The following LIPC variants were observed in gnomAD, a reference collection of about 807,000 sequenced individuals.
LIPC encodes the protein lipase C, hepatic type.
In LIPC, 44 loss-of-function variants were observed where a neutral mutation model predicts 50.7. That is an observed-to-expected ratio of 0.87 (90% confidence interval 0.68 to 1.11). The LOEUF is 1.11. Ranked by LOEUF, LIPC falls within the 50% of genes most tolerant of loss-of-function variation. The pLI, the probability that LIPC is intolerant of heterozygous loss-of-function variation, is 0.00. For synonymous variants in LIPC, 271 were observed against 256.4 expected (o/e 1.06, Z -0.54); for missense variants, 697 against 648.2 (o/e 1.08, Z -0.82).
rs561721243 is a variant in LIPC, at chr15:58,543,188, C to T, written c.574+537C>T. Among the ~76,000 whole-genome samples the T allele has an allele frequency of 3.3e-5, 5 of 152,244 alleles. No homozygotes were observed. In the East Asian group the frequency reaches 7.7e-4, roughly 24 times the overall value. On this transcript the variant is annotated intron_variant, in intron 4 of 8. Transcript: ENST00000299022. ...ATATCCAGGAAGGTCTGCACATGTGCGAGGAAGGCCTTCCTCCCAGGCTTC... is the reference window on the plus strand; with the variant it reads ...ATATCCAGGAAGGTCTGCACATGTGTGAGGAAGGCCTTCCTCCCAGGCTTC...
rs1370017955 is a variant in LIPC, at chr15:58,568,834, A to T, written c.*7A>T. 1 of 1,497,732 alleles carries T rather than the reference A, an allele frequency of 6.7e-7. No homozygotes were observed. Among genetic ancestry groups the T allele is most frequent in the Admixed American group, 1.7e-5 (1 of 59,584 alleles). The allele number at this position is 1,497,732 out of a possible 1,614,324, so 92.8% of individuals were successfully genotyped here. On this transcript the variant is annotated 3_prime_UTR_variant, in exon 9 of 9. Transcript: ENST00000299022. ...AAAGCGAAAGATCAGATGAGATTTA[A>T]TGAAGACCCAGTGTAAAGAATAAAT...
At chr15:58,458,774 C>T (rs1390512126) in intron 1 of LIPC, among the ~76,000 whole-genome samples, 1 of 152,178 alleles carries the variant, frequency 6.6e-6, no homozygotes, top group East Asian at 1.9e-4. Flanking sequence ...TAGCTCCTGT[C>T]CCTGCACCAT....
At chr15:58,459,960 AACCT>A (rs1433032463) in intron 1 of LIPC, among the ~76,000 whole-genome samples, 3 of 152,204 alleles carry the variant, frequency 2.0e-5, no homozygotes, top group Non-Finnish European at 4.4e-5. Context: ...ACCTAGCAAG[AACCT>A]ACCTCTCCCT....
intron 2 of LIPC, among the ~76,000 whole-genome samples, chr15:58,540,261 A>C (rs750097461): frequency 6.6e-6 from 1 of 152,214 alleles, no homozygotes; most frequent in Non-Finnish European, 1.5e-5. Flanking sequence ...CCAACCTAGT[A>C]TATGTCTCCT....
chr15:58,564,586 G>A (rs937259816), intron 8 of LIPC, among the ~76,000 whole-genome samples: 7 of 152,024 alleles, frequency 4.6e-5, no homozygotes, highest in Non-Finnish European at 8.8e-5. Flanking sequence ...AATTAGCTGG[G>A]CGTGGTGGCG....
chr15:58,567,279 G>GTGTGTA (rs1566955012), intron 8 of LIPC, among the ~76,000 whole-genome samples: 2 of 71,956 alleles, frequency 2.8e-5, no homozygotes, highest in Non-Finnish European at 5.4e-5. Context: ...GTGTGTGTGT[G>GTGTGTA]TGTATATATA....
At chr15:58,550,824 A>AGT (rs1566948557) in intron 6 of LIPC, among the ~76,000 whole-genome samples, 1 of 60,774 alleles carries the variant, frequency 1.6e-5, no homozygotes, top group Non-Finnish European at 3.1e-5. Context: ...TTTCTTTCTT[A>AGT]CTTTTTTTTT....
chr15:58,533,623 T>G (rs1893020320), intron 1 of LIPC, among the ~76,000 whole-genome samples: 1 of 152,210 alleles, frequency 6.6e-6, no homozygotes, highest in Admixed American at 6.5e-5. Flanking sequence ...CAAGTACGTT[T>G]TGAAGAATTT....
At position 58,541,911 on chromosome 15, in the gene LIPC, G is replaced by A. The variant is rs565182279; in HGVS notation, c.400G>A (p.Val134Ile). The A allele has an allele frequency of 3.2e-5, 51 of 1,611,708 alleles. No homozygotes were observed. Among genetic ancestry groups the A allele is most frequent in the African/African-American group, 6.7e-5 (5 of 75,042 alleles). Residue 134 changes from valine to isoleucine, a missense_variant, in exon 3 of 9, where the codon GTC becomes ATC. Val to Ile is a conservative substitution (Grantham distance 29). Coordinates refer to ENST00000299022, the MANE Select transcript of LIPC (RefSeq NM_000236.3). ...GGCCCACGACCACTACACCATCGCCGTCCGCAACACCCGCCTTGTGGGCAA... is the reference window on the plus strand; with the variant it reads ...GGCCCACGACCACTACACCATCGCCATCCGCAACACCCGCCTTGTGGGCAA... ...TLAHDHYTIA[V>I]RNTRLVGKEV...
At chr15:58,565,403 C>A (rs1434623536) in intron 8 of LIPC, 2 of 1,473,932 alleles carry the variant, frequency 1.4e-6, no homozygotes, top group Non-Finnish European at 1.8e-6. Flanking sequence ...ACACTACCTT[C>A]TCCACTGGGG....
chr15:58,511,725 T>C (rs779683173), intron 1 of LIPC, among the ~76,000 whole-genome samples: 1 of 152,336 alleles, frequency 6.6e-6, no homozygotes. Flanking sequence ...ATCTGGGATA[T>C]AGAGAAAGGT....
Position 58,538,537 on chromosome 15 carries a change from C to T in LIPC, c.273+20C>T, listed in dbSNP as rs748281989. The T allele has an allele frequency of 4.3e-6, 7 of 1,610,164 alleles. No homozygotes were observed. The highest frequency in any genetic ancestry group is 2.2e-5 in the East Asian group (1 of 44,862). Reference sequence around the variant, plus strand: ...TGGTCGGTAGGAAATGCTGACATGCCGTTTTTCTCTCCGATTTCACATTTT... The same window carrying T: ...TGGTCGGTAGGAAATGCTGACATGCTGTTTTTCTCTCCGATTTCACATTTT... On this transcript the variant is annotated intron_variant, in intron 2 of 8. Transcript: ENST00000299022.
intron 1 of LIPC, among the ~76,000 whole-genome samples, chr15:58,495,582 C>T (rs1261435359): frequency 1.3e-5 from 2 of 152,330 alleles, no homozygotes; most frequent in Admixed American, 6.5e-5. Flanking sequence ...TTCACAGCAA[C>T]GCTGAAGTGG....
At chr15:58,557,379 C>CTTTTTTTTTTTTTTTTTTTTT (rs386383140) in intron 6 of LIPC, among the ~76,000 whole-genome samples, 1 of 75,692 alleles carries the variant, frequency 1.3e-5, no homozygotes, top group Non-Finnish European at 2.3e-5. Flanking sequence ...ATTATATGCT[C>CTTTTTTTTTTTTTTTTTTTTT]TTTTTTTTTT....
intron 1 of LIPC, chr15:58,435,774 G>C (rs1893275862): frequency 6.6e-6 from 1 of 152,164 alleles, no homozygotes; most frequent in African/African-American, 2.4e-5. Context: ...AGCCAGGCTT[G>C]GTCATGGGCA....
chr15:58,477,471 C>T (rs1274761970), intron 1 of LIPC, among the ~76,000 whole-genome samples: 1 of 152,160 alleles, frequency 6.6e-6, no homozygotes, highest in African/African-American at 2.4e-5. Context: ...AGCTTATGGA[C>T]ATTCTATGAG....
chr15:58,496,667 T>C (rs1891774705), intron 1 of LIPC, among the ~76,000 whole-genome samples: 1 of 149,384 alleles, frequency 6.7e-6, no homozygotes, highest in Non-Finnish European at 1.5e-5. Context: ...ACCTTAATTA[T>C]GCGTTAGCAC....
chr15:58,457,678 T>C (rs1425666195), intron 1 of LIPC, among the ~76,000 whole-genome samples: 5 of 152,238 alleles, frequency 3.3e-5, no homozygotes, highest in African/African-American at 1.2e-4. Context: ...ACTATTATTG[T>C]GTTTATTCTC....
rs1413599004 is a variant in LIPC, at chr15:58,462,906, T to A, written c.88+30786T>A. ...CTGCCTGCAGAGTTATTGGCGGAGT[T>A]ATTCTTGGTGCTCATTAGCACTGCA... On this transcript the variant is annotated intron_variant, in intron 1 of 8. Coordinates refer to ENST00000299022, the MANE Select transcript of LIPC (RefSeq NM_000236.3). Among the ~76,000 whole-genome samples the A allele has an allele frequency of 5.3e-5, 8 of 152,336 alleles. No homozygotes were observed. The East Asian group carries it at 1.5e-3, about 29-fold the overall frequency.
Sources: gnomAD v4.1 joint callset for allele counts (sites outside exome capture counted in the v4.1 genomes callset) on GRCh38, gnomAD v4.1.1 for gene constraint, MANE v1.5 for transcripts, NCBI Gene and HGNC (gene_info 2026-07-23, HGNC 2026-07-21) for gene names.